The following AGBL1 variants were observed in gnomAD, a reference collection of about 807,000 sequenced individuals.
AGBL1 encodes cytosolic carboxypeptidase 4.
Under a neutral mutation model 118.9 loss-of-function variants are expected in AGBL1, and 130 were observed. The observed-to-expected ratio is 1.09, with a 90% confidence interval of 0.95 to 1.26. The LOEUF (loss-of-function observed/expected upper bound fraction) is 1.26, where lower values mean the gene tolerates loss of function less well. Among genes scored for constraint, AGBL1 ranks in the 50% most tolerant of loss-of-function variants. The pLI, the probability that AGBL1 is intolerant of heterozygous loss-of-function variation, is 0.00. For missense variants in AGBL1, 1,584 were observed against 1,298.1 expected, an observed-to-expected ratio of 1.22 and a Z score of -3.38; for synonymous variants, 555 against 478.9, an observed-to-expected ratio of 1.16 and a Z score of -2.08.
At chr15:86,409,693 C>A (rs1431241) in intron 18 of AGBL1, among the ~76,000 whole-genome samples, 42,037 of 152,088 alleles carry the variant, frequency 0.28, 6,535 homozygotes, top group East Asian at 0.62. Context: ...GGTTTCCCCC[C>A]CTCACTTCCC....
At chr15:86,296,309 T>C (rs552626934) in intron 17 of AGBL1, 3 of 151,948 alleles carry the variant, frequency 2.0e-5, no homozygotes, top group Non-Finnish European at 4.4e-5. Flanking sequence ...AAGAAGAAGC[T>C]GGATGCCCAG....
chr15:86,894,018 T>C (rs551971329), intron 22 of AGBL1, among the ~76,000 whole-genome samples: 2 of 152,182 alleles, frequency 1.3e-5, no homozygotes, highest in Non-Finnish European at 2.9e-5. Context: ...ATTTTATGTT[T>C]TGTTTCTGAT....
intron 22 of AGBL1, among the ~76,000 whole-genome samples, chr15:86,686,792 A>T (rs2086065856): frequency 6.6e-6 from 1 of 152,110 alleles, no homozygotes; most frequent in Non-Finnish European, 1.5e-5. Flanking sequence ...TAGTCATGAG[A>T]TACATAATAT....
rs750932521 is a variant in AGBL1 at position 86,264,809 on chromosome 15, TA to T, written c.1639del (p.Met547CysfsTer27). ...ACTGTCCCCCTCCCACCACCCAGCCTATGTTGGAACGAAAATGTGGAGTCCA... is the reference window on the plus strand; with the variant it reads ...ACTGTCCCCCTCCCACCACCCAGCCTTGTTGGAACGAAAATGTGGAGTCCA... ...GHCPPPTTQP[M>X]LERKCGVQRI... On this transcript the variant is annotated frameshift_variant, in exon 11 of 23. Coordinates refer to ENST00000614907, the MANE Select transcript of AGBL1 (RefSeq NM_001386094.1). LOFTEE classifies it high-confidence loss of function. The T allele has an allele frequency of 6.2e-7, 1 of 1,609,908 alleles. No homozygotes were observed.
At chr15:86,209,835 G>A (rs2078060972) in intron 5 of AGBL1, among the ~76,000 whole-genome samples, 1 of 152,150 alleles carries the variant, frequency 6.6e-6, no homozygotes, top group African/African-American at 2.4e-5. Context: ...ATATTGTTAT[G>A]TGTGAATTTT....
At chr15:86,120,206 T>C (rs1292432203) in intron 1 of AGBL1, among the ~76,000 whole-genome samples, 1 of 152,182 alleles carries the variant, frequency 6.6e-6, no homozygotes, top group African/African-American at 2.4e-5. Flanking sequence ...GTAAGATATG[T>C]TGCAATGTTC....
chr15:86,653,043 C>T lies in AGBL1; in HGVS notation c.2995-21230C>T, dbSNP rs531782874. Among the ~76,000 whole-genome samples the T allele has an allele frequency of 4.6e-5, 7 of 152,222 alleles. No individual in the cohort carries two copies. In the East Asian group the frequency reaches 5.8e-4, roughly 13 times the overall value. On this transcript the variant is annotated intron_variant, in intron 21 of 22. Transcript: ENST00000614907. ...TCCTTGTTATAGACCCTAACAAATG[C>T]GTTTTATCCATGAGAATGTATATTC...
intron 22 of AGBL1, among the ~76,000 whole-genome samples, chr15:86,878,877 G>T (rs879841277): frequency 1.3e-5 from 2 of 152,218 alleles, no homozygotes; most frequent in Non-Finnish European, 2.9e-5. Context: ...AGCTCTCAGT[G>T]TTGGAGGAAC....
intron 18 of AGBL1, among the ~76,000 whole-genome samples, chr15:86,436,234 T>C (rs1203853896): frequency 6.6e-6 from 1 of 151,876 alleles, no homozygotes; most frequent in Non-Finnish European, 1.5e-5. Flanking sequence ...CAGTGAGGGC[T>C]AAGCTTAGAG....
At chr15:86,603,027 T>C (rs2084520023) in intron 21 of AGBL1, among the ~76,000 whole-genome samples, 1 of 152,076 alleles carries the variant, frequency 6.6e-6, no homozygotes, top group African/African-American at 2.4e-5. Flanking sequence ...TGCCAAATGG[T>C]TCAATTACAG....
intron 22 of AGBL1, among the ~76,000 whole-genome samples, chr15:86,813,745 ACAGT>A (rs1385080588): frequency 6.6e-6 from 1 of 152,212 alleles, no homozygotes; most frequent in African/African-American, 2.4e-5. Flanking sequence ...TTTGTAACAA[ACAGT>A]CAGAGGATTC....
chr15:86,961,991 A>T (rs1448074490), intron 23 of AGBL1, among the ~76,000 whole-genome samples: 3 of 152,132 alleles, frequency 2.0e-5, no homozygotes, highest in Non-Finnish European at 4.4e-5. Context: ...GAGGATAAAT[A>T]ATCATTTCTC....
intron 17 of AGBL1, among the ~76,000 whole-genome samples, chr15:86,308,893 C>T (rs1382620551): frequency 1.3e-5 from 2 of 152,008 alleles, no homozygotes; most frequent in Admixed American, 6.6e-5. Flanking sequence ...CTCAAGATTG[C>T]TTTGGCTATT....
chr15:86,761,837 A>G (rs1474484927), intron 22 of AGBL1, among the ~76,000 whole-genome samples: 2 of 152,036 alleles, frequency 1.3e-5, no homozygotes, highest in Admixed American at 6.6e-5. Flanking sequence ...CTTTAGTTTA[A>G]TAACATCACA....
chr15:86,373,311 C>A (rs1208156405), intron 17 of AGBL1, among the ~76,000 whole-genome samples: 1 of 152,154 alleles, frequency 6.6e-6, no homozygotes, highest in Non-Finnish European at 1.5e-5. Flanking sequence ...AGTCTTGGCA[C>A]CCTTTCAACA....
At chr15:86,186,654 C>A (rs1318316136) in intron 5 of AGBL1, among the ~76,000 whole-genome samples, 3 of 152,148 alleles carry the variant, frequency 2.0e-5, no homozygotes, top group Non-Finnish European at 4.4e-5. Context: ...GCCACAAAGG[C>A]CTCTTGTTGG....
At chr15:86,107,004 C>G (rs544969173) in intron 1 of AGBL1, among the ~76,000 whole-genome samples, 1 of 152,212 alleles carries the variant, frequency 6.6e-6, no homozygotes, top group African/African-American at 2.4e-5. Context: ...GAGTGACACA[C>G]GCCTGGAGGA....
At chr15:86,322,586 A>G (rs1567198263) in intron 17 of AGBL1, among the ~76,000 whole-genome samples, 1 of 152,128 alleles carries the variant, frequency 6.6e-6, no homozygotes, top group South Asian at 2.1e-4. Context: ...GTAATATCGC[A>G]TTACTAGTAT....
intron 5 of AGBL1, among the ~76,000 whole-genome samples, chr15:86,180,374 A>G (rs1159375580): frequency 6.6e-6 from 1 of 152,154 alleles, no homozygotes; most frequent in African/African-American, 2.4e-5. Flanking sequence ...CACTTCAAAA[A>G]TAAACCCATG....
Sources: allele counts gnomAD v4.1 joint callset (sites outside exome capture counted in the v4.1 genomes callset), GRCh38; gene constraint gnomAD v4.1.1; transcripts MANE v1.5; gene names NCBI Gene and HGNC (gene_info 2026-07-23, HGNC 2026-07-21).